SLC16A10: variants seen among roughly 807,000 people sequenced by gnomAD.
The protein encoded by SLC16A10 is solute carrier family 16 member 10.
Under a neutral mutation model 40.0 loss-of-function variants are expected in SLC16A10, and 27 were observed. That is an observed-to-expected ratio of 0.67 (90% CI 0.50 to 0.93). The LOEUF (loss-of-function observed/expected upper bound fraction) is 0.93, where lower values mean the gene tolerates loss of function less well. SLC16A10 is among the 40% of genes least tolerant of loss of function. The pLI is 0.00. For missense variants in SLC16A10, 529 were observed against 658.2 expected, an observed-to-expected ratio of 0.80 and a Z score of 2.15; for synonymous variants, 213 against 249.8, an observed-to-expected ratio of 0.85 and a Z score of 1.39.
At position 111,098,680 on chromosome 6, in the gene SLC16A10, C is replaced by T. The variant is rs578233188; in HGVS notation, c.343+10585C>T. ...TTTTTATTAATAAAAACCTTTTCAT[C>T]TTAATTATCCTTTTTATTAGTTTTG... is the stretch of plus-strand genomic sequence containing the variant. On this transcript the variant is annotated intron_variant, in intron 1 of 5. Coordinates refer to ENST00000368851, the MANE Select transcript of SLC16A10 (RefSeq NM_018593.5). Among the ~76,000 whole-genome samples, 1,241 of 152,328 alleles carry T rather than the reference C, an allele frequency of 8.1e-3. 3 individuals are homozygous for T. The highest frequency in any genetic ancestry group is 0.013 in the South Asian group (63 of 4,826).
intron 1 of SLC16A10, among the ~76,000 whole-genome samples, chr6:111,169,940 A>T (rs1772553524): frequency 8.4e-6 from 1 of 119,508 alleles, no homozygotes; most frequent in African/African-American, 3.0e-5. Context: ...TTTTTGAGAC[A>T]GAATCTCACT....
intron 3 of SLC16A10, 65 bp downstream of exon 3, chr6:111,177,730 A>AC: frequency 7.1e-7 from 1 of 1,407,812 alleles, no homozygotes; most frequent in South Asian, 1.6e-5. Flanking sequence ...CTTTGAAGAG[A>AC]AAGTTAGGTC....
At chr6:111,129,088 G>A (rs1771736805) in intron 1 of SLC16A10, among the ~76,000 whole-genome samples, 1 of 152,124 alleles carries the variant, frequency 6.6e-6, no homozygotes, top group African/African-American at 2.4e-5. Flanking sequence ...TAGGCAGTAA[G>A]TCTTTCCAGT....
chr6:111,182,310 CTTTTTTTTTT>C (rs372963281), intron 3 of SLC16A10, among the ~76,000 whole-genome samples: 1 of 103,624 alleles, frequency 9.7e-6, no homozygotes, highest in East Asian at 3.1e-4. Context: ...CTCTGGGTTT[CTTTTTTTTTT>C]TTTTTTTTTT....
intron 2 of SLC16A10, among the ~76,000 whole-genome samples, 190 bp from the exon 3 acceptor site, chr6:111,177,022 T>G (rs1772696606): frequency 6.6e-6 from 1 of 152,164 alleles, no homozygotes; most frequent in Non-Finnish European, 1.5e-5. Flanking sequence ...TTAAAATACG[T>G]TTAGTGCTAC....
chr6:111,185,843 T>C (rs1199893101), intron 3 of SLC16A10, among the ~76,000 whole-genome samples: 1 of 151,880 alleles, frequency 6.6e-6, no homozygotes, highest in Admixed American at 6.6e-5. Context: ...GAGAGAGCTC[T>C]AAAGAATTAG....
At chr6:111,098,392 TAC>T (rs1771114659) in intron 1 of SLC16A10, among the ~76,000 whole-genome samples, 1 of 152,222 alleles carries the variant, frequency 6.6e-6, no homozygotes, top group Non-Finnish European at 1.5e-5. Context: ...ACCCCATCTC[TAC>T]TTTTAATTAA....
chr6:111,223,604 C>T lies in SLC16A10; in HGVS notation c.*1369C>T, dbSNP rs1183366889. ...AGTGTCATATTTCATATTCAGGGGA[C>T]TTAGATAATTTGCCTGTGGATGGTT... On this transcript the variant is annotated 3_prime_UTR_variant, in exon 6 of 6. Coordinates refer to ENST00000368851, the MANE Select transcript of SLC16A10 (RefSeq NM_018593.5). The T allele has an allele frequency of 6.6e-6, 1 of 152,092 alleles. No individual in the cohort carries two copies. Among genetic ancestry groups the T allele is most frequent in the African/African-American group, 2.4e-5 (1 of 41,408 alleles). 9.4% of individuals were successfully genotyped at this position (152,092 alleles called of 1,614,324 possible). A position where few individuals can be genotyped will look rare whatever the true frequency, so the allele number is the denominator to read the frequency against.
intron 3 of SLC16A10, among the ~76,000 whole-genome samples, chr6:111,196,003 A>G (rs1441922575): frequency 1.3e-5 from 2 of 152,170 alleles, no homozygotes; most frequent in Non-Finnish European, 2.9e-5. Context: ...TGGGGGAAAA[A>G]AAAACAATAA....
chr6:111,158,065 A>G (rs1410084872), intron 1 of SLC16A10, among the ~76,000 whole-genome samples: 4 of 152,102 alleles, frequency 2.6e-5, no homozygotes, highest in Non-Finnish European at 5.9e-5. Context: ...TCGTATTTTT[A>G]TTTAATGTTT....
chr6:111,125,563 T>C (rs1771661026), intron 1 of SLC16A10, among the ~76,000 whole-genome samples: 1 of 152,230 alleles, frequency 6.6e-6, no homozygotes, highest in Non-Finnish European at 1.5e-5. Flanking sequence ...CTCTGTTAAA[T>C]TTTTCTAGAC....
At chr6:111,146,681 G>T (rs1338388356) in intron 1 of SLC16A10, among the ~76,000 whole-genome samples, 1 of 151,882 alleles carries the variant, frequency 6.6e-6, no homozygotes, top group South Asian at 2.1e-4. Context: ...GGCTTGCAGT[G>T]AGCCGAGATT....
chr6:111,189,188 C>A (rs1458660311), intron 3 of SLC16A10, among the ~76,000 whole-genome samples: 2 of 152,126 alleles, frequency 1.3e-5, no homozygotes, highest in Non-Finnish European at 2.9e-5. Context: ...GTGATATTTT[C>A]TTCAAAGGAA....
intron 1 of SLC16A10, among the ~76,000 whole-genome samples, chr6:111,170,739 G>T (rs913482007): frequency 6.6e-6 from 1 of 152,136 alleles, no homozygotes; most frequent in Admixed American, 6.5e-5. Context: ...GTGAGCCACC[G>T]CACCCAGCCT....
chr6:111,154,983 A>G (rs2114519866), intron 1 of SLC16A10, among the ~76,000 whole-genome samples: 1 of 145,994 alleles, frequency 6.8e-6, no homozygotes, highest in East Asian at 2.0e-4. Context: ...AAATCACACC[A>G]CTGCACTCCA....
chr6:111,128,676 AAG>A (rs1201813260), intron 1 of SLC16A10, among the ~76,000 whole-genome samples: 1 of 152,154 alleles, frequency 6.6e-6, no homozygotes, highest in East Asian at 1.9e-4. Flanking sequence ...CTGTATTCAA[AAG>A]AGAGTGTGTT....
At chr6:111,155,086 A>T (rs908601815) in intron 1 of SLC16A10, among the ~76,000 whole-genome samples, 1 of 150,722 alleles carries the variant, frequency 6.6e-6, no homozygotes, top group African/African-American at 2.4e-5. Flanking sequence ...AGGGGCCAGG[A>T]TGATCTCATC....
At chr6:111,146,292 CAA>C (rs1772075629) in intron 1 of SLC16A10, among the ~76,000 whole-genome samples, 1 of 152,094 alleles carries the variant, frequency 6.6e-6, no homozygotes. Flanking sequence ...TGAACAATAA[CAA>C]ATGTTGGCAA....
intron 1 of SLC16A10, among the ~76,000 whole-genome samples, chr6:111,114,254 G>C (rs954321691): frequency 9.9e-5 from 15 of 152,202 alleles, no homozygotes; most frequent in Admixed American, 4.6e-4. Flanking sequence ...CGTTAAAGAT[G>C]TTCCATACAT....
Sources: allele counts gnomAD v4.1 joint callset (sites outside exome capture counted in the v4.1 genomes callset), GRCh38; gene constraint gnomAD v4.1.1; transcripts MANE v1.5; gene names NCBI Gene and HGNC (gene_info 2026-07-23, HGNC 2026-07-21).